CTNNA3: variants seen among roughly 807,000 people sequenced by gnomAD.
CTNNA3 encodes catenin alpha 3, also known as catenin alpha-3.
In CTNNA3, 76 loss-of-function variants were observed where a neutral mutation model predicts 95.7. The ratio of observed to expected loss-of-function variants is 0.79; its 90% CI spans 0.66 to 0.96. The LOEUF is 0.96. Ranked by LOEUF, CTNNA3 falls within the 40% of genes least tolerant of loss-of-function variation. The pLI is 0.00. For synonymous variants in CTNNA3, 431 were observed against 374.4 expected (o/e 1.15, Z -1.74); for missense variants, 1,191 against 1,089.8 (o/e 1.09, Z -1.31).
At position 67,449,725 on chromosome 10, in the gene CTNNA3, A is replaced by T. The variant is rs115041666; in HGVS notation, c.579+72117T>A. On this transcript the variant is annotated intron_variant, in intron 5 of 17. Transcript: ENST00000433211. The stretch of plus-strand genomic sequence containing the variant: ...AAAACCCCTGAAGACAAGCTAGCCA[A>T]TACCATTCTGAACATAAGAACAAGC... 5.9e-3 allele frequency among the ~76,000 whole-genome samples: 903 copies of T among 152,300 alleles called. 9 individuals are homozygous for T. Among genetic ancestry groups the T allele is most frequent in the African/African-American group, 0.021 (853 of 41,566 alleles).
At chr10:66,642,458 C>A (rs1315844075) in intron 9 of CTNNA3, among the ~76,000 whole-genome samples, 1 of 151,982 alleles carries the variant, frequency 6.6e-6, no homozygotes, top group African/African-American at 2.4e-5. Flanking sequence ...GAGTATGAAC[C>A]GCTGCCAAGA....
intron 5 of CTNNA3, among the ~76,000 whole-genome samples, chr10:67,506,600 G>C (rs1356016797): frequency 6.6e-6 from 1 of 152,158 alleles, no homozygotes; most frequent in Non-Finnish European, 1.5e-5. Context: ...GTCTCAGCTA[G>C]GCATCCTCAA....
chr10:66,764,410 T>C (rs919376463), intron 9 of CTNNA3, among the ~76,000 whole-genome samples: 10 of 152,214 alleles, frequency 6.6e-5, no homozygotes, highest in African/African-American at 2.4e-4. Flanking sequence ...GCTGATTTAA[T>C]TTGTTTAAAC....
At chr10:66,400,126 A>C (rs1417173680) in intron 11 of CTNNA3, among the ~76,000 whole-genome samples, 1 of 152,002 alleles carries the variant, frequency 6.6e-6, no homozygotes. Context: ...TGAAGCTAAG[A>C]AGCTGATAAA....
chr10:66,606,237 T>C (rs532968402), intron 10 of CTNNA3, among the ~76,000 whole-genome samples: 1 of 152,236 alleles, frequency 6.6e-6, no homozygotes, highest in East Asian at 1.9e-4. Context: ...CCTGAATATA[T>C]ATGCACCCAA....
chr10:65,986,122 A>C (rs923394255), intron 16 of CTNNA3, among the ~76,000 whole-genome samples: 1 of 151,470 alleles, frequency 6.6e-6, no homozygotes, highest in Non-Finnish European at 1.5e-5. Context: ...GTGAAAATTA[A>C]AATTTCTTTT....
intron 12 of CTNNA3, among the ~76,000 whole-genome samples, chr10:66,307,916 T>G (rs1050643214): frequency 6.6e-6 from 1 of 152,180 alleles, no homozygotes; most frequent in African/African-American, 2.4e-5. Context: ...AAGCAGCCAC[T>G]CTGCTGGTTT....
At chr10:67,632,312 T>TTAAAAA in intron 2 of CTNNA3, among the ~76,000 whole-genome samples, 1 of 144,284 alleles carries the variant, frequency 6.9e-6, no homozygotes, top group African/African-American at 2.5e-5. Flanking sequence ...TTAAATATAT[T>TTAAAAA]AAAAAAAAAA....
At chr10:66,034,191 A>G (rs1379608997) in intron 15 of CTNNA3, among the ~76,000 whole-genome samples, 1 of 65,976 alleles carries the variant, frequency 1.5e-5, no homozygotes, top group East Asian at 4.9e-4. Context: ...CATACTATTT[A>G]TATTAATTAT....
intron 14 of CTNNA3, among the ~76,000 whole-genome samples, chr10:66,083,345 G>C (rs1416269786): frequency 2.6e-5 from 4 of 152,100 alleles, no homozygotes; most frequent in Non-Finnish European, 5.9e-5. Context: ...AAACTCCACA[G>C]GGGTAACGCA....
intron 10 of CTNNA3, among the ~76,000 whole-genome samples, chr10:66,592,336 T>C (rs1843581237): frequency 6.6e-6 from 1 of 152,134 alleles, no homozygotes; most frequent in African/African-American, 2.4e-5. Flanking sequence ...TTTTCCTTTC[T>C]TCAAAAAATA....
At chr10:66,280,741 G>T in intron 12 of CTNNA3, 120 bp from the exon 13 acceptor site, 1 of 644,862 alleles carries the variant, frequency 1.6e-6, no homozygotes, top group East Asian at 3.3e-5. Flanking sequence ...ATCTTTAATT[G>T]TATTTTTTAA....
intron 7 of CTNNA3, among the ~76,000 whole-genome samples, chr10:66,969,582 C>T (rs936990119): frequency 6.6e-6 from 1 of 152,094 alleles, no homozygotes; most frequent in Non-Finnish European, 1.5e-5. Flanking sequence ...CATAACACCA[C>T]ACTGTTTTCA....
chr10:66,941,016 T>C (rs1847967992), intron 7 of CTNNA3, among the ~76,000 whole-genome samples: 1 of 152,086 alleles, frequency 6.6e-6, no homozygotes, highest in African/African-American at 2.4e-5. Flanking sequence ...CACCTGTAAT[T>C]TAATAAAAAA....
chr10:67,377,868 T>TA (rs978251173), intron 5 of CTNNA3, among the ~76,000 whole-genome samples: 1 of 152,028 alleles, frequency 6.6e-6, no homozygotes, highest in African/African-American at 2.4e-5. Context: ...CACCAGAACT[T>TA]ATTCCTCCTA....
intron 7 of CTNNA3, among the ~76,000 whole-genome samples, chr10:67,131,413 C>T (rs1859995473): frequency 6.6e-6 from 1 of 151,992 alleles, no homozygotes; most frequent in Non-Finnish European, 1.5e-5. Flanking sequence ...CAATATCTGG[C>T]ACAAATAAAC....
intron 7 of CTNNA3, among the ~76,000 whole-genome samples, chr10:67,066,195 C>CTTTTTTTTT (rs71006118): frequency 2.4e-5 from 3 of 123,076 alleles, no homozygotes; most frequent in African/African-American, 9.7e-5. Flanking sequence ...AAGTCACTGG[C>CTTTTTTTTT]TTTTTTTTTT....
chr10:66,063,491 T>C (rs928335826), intron 15 of CTNNA3, among the ~76,000 whole-genome samples: 1 of 151,610 alleles, frequency 6.6e-6, no homozygotes, highest in African/African-American at 2.4e-5. Flanking sequence ...TCACTTTTTT[T>C]ACACATTCCT....
chr10:66,692,740 A>G (rs561191833), intron 9 of CTNNA3, among the ~76,000 whole-genome samples: 1 of 152,116 alleles, frequency 6.6e-6, no homozygotes, highest in Admixed American at 6.6e-5. Context: ...CAAAGAGAAG[A>G]CCATCAGACT....
Sources: gnomAD v4.1 joint callset for allele counts (sites outside exome capture counted in the v4.1 genomes callset) on GRCh38, gnomAD v4.1.1 for gene constraint, MANE v1.5 for transcripts, NCBI Gene and HGNC (gene_info 2026-07-23, HGNC 2026-07-21) for gene names.